Variants in GRID2 observed in about 807,000 individuals in gnomAD.
GRID2 encodes glutamate receptor ionotropic, delta-2.
A neutral mutation model predicts 114.8 loss-of-function variants in GRID2; 33 were observed. That is an observed-to-expected ratio of 0.29 (90% CI 0.22 to 0.38). The LOEUF (loss-of-function observed/expected upper bound fraction) is 0.38, where lower values mean the gene tolerates loss of function less well. GRID2 is among the 10% of genes least tolerant of loss of function. GRID2 has a pLI of 1.00. For synonymous variants in GRID2, 505 were observed against 449.9 expected (o/e 1.12, Z -1.55); for missense variants, 1,184 against 1,257.7 (o/e 0.94, Z 0.89).
chr4:93,501,120 A>G (rs1728056211), intron 12 of GRID2, among the ~76,000 whole-genome samples: 1 of 152,012 alleles, frequency 6.6e-6, no homozygotes, highest in Non-Finnish European at 1.5e-5. Context: ...CTAGAAAGAC[A>G]TTTTTTAGAA....
At chr4:93,238,576 C>G (rs1370624069) in intron 8 of GRID2, 86 bp downstream of exon 8, 4 of 986,894 alleles carry the variant, frequency 4.1e-6, no homozygotes, top group Non-Finnish European at 6.0e-6. Context: ...TCACAGTACC[C>G]ATTAAAGTCA....
intron 13 of GRID2, among the ~76,000 whole-genome samples, chr4:93,583,461 A>G (rs572101273): frequency 8.3e-4 from 127 of 152,232 alleles, no homozygotes; most frequent in African/African-American, 2.7e-3. Flanking sequence ...TCAATGCTAA[A>G]TGATAATGAG....
chr4:92,312,234 A>G (rs1013258873), intron 1 of GRID2, among the ~76,000 whole-genome samples: 10 of 152,106 alleles, frequency 6.6e-5, no homozygotes, highest in Non-Finnish European at 1.5e-4. Flanking sequence ...AAGATTCTGT[A>G]GGGACTTACA....
At chr4:93,605,341 C>A (rs1740122014) in intron 13 of GRID2, among the ~76,000 whole-genome samples, 1 of 152,136 alleles carries the variant, frequency 6.6e-6, no homozygotes, top group African/African-American at 2.4e-5. Context: ...AGAACACTGC[C>A]AACATTTCAA....
In GRID2 at chr4:93,463,874, A is replaced by C. The variant is rs1724003961; in HGVS notation, c.1858+7900A>C. Reference sequence around the variant, plus strand: ...CGTGGTGGCGGGCACCTGTAGTCCCAGCTACTCGGGAGGCTGAGGCAGGAG... The same window carrying C: ...CGTGGTGGCGGGCACCTGTAGTCCCCGCTACTCGGGAGGCTGAGGCAGGAG... On this transcript the variant is annotated intron_variant, in intron 11 of 15. Transcript: ENST00000282020. 3.3e-5 allele frequency among the ~76,000 whole-genome samples: 5 copies of C among 152,210 alleles called. No homozygotes were observed. In the South Asian group the frequency reaches 1.0e-3, roughly 32 times the overall value.
At chr4:93,381,570 A>G (rs1763858281) in intron 8 of GRID2, among the ~76,000 whole-genome samples, 1 of 152,062 alleles carries the variant, frequency 6.6e-6, no homozygotes, top group Admixed American at 6.6e-5. Flanking sequence ...TGACTTTTGT[A>G]TATTTTCTAT....
At chr4:92,669,210 G>A (rs1482447717) in intron 2 of GRID2, among the ~76,000 whole-genome samples, 1 of 151,902 alleles carries the variant, frequency 6.6e-6, no homozygotes, top group Non-Finnish European at 1.5e-5. Flanking sequence ...TAGTCTAGGA[G>A]AGTGGTACAT....
At chr4:92,732,787 G>A (rs1736391734) in intron 2 of GRID2, among the ~76,000 whole-genome samples, 1 of 151,986 alleles carries the variant, frequency 6.6e-6, no homozygotes, top group Non-Finnish European at 1.5e-5. Context: ...TTTCATATAT[G>A]TATGCTTGTC....
chr4:93,217,291 TA>T (rs1220214297), intron 6 of GRID2: 1 of 155,840 alleles, frequency 6.4e-6, no homozygotes, highest in Non-Finnish European at 1.4e-5. Flanking sequence ...TTATTCTTTT[TA>T]AAAAGATTGG....
intron 2 of GRID2, among the ~76,000 whole-genome samples, chr4:93,022,068 C>A (rs1035194468): frequency 6.6e-6 from 1 of 151,228 alleles, no homozygotes; most frequent in Admixed American, 6.6e-5. Flanking sequence ...AAATGAATGC[C>A]CTCCAAACTC....
intron 6 of GRID2, among the ~76,000 whole-genome samples, chr4:93,220,994 G>T (rs1487081596): frequency 6.6e-6 from 1 of 152,116 alleles, no homozygotes; most frequent in Admixed American, 6.6e-5. Context: ...CACAGATAAA[G>T]TATAGGTTCA....
intron 2 of GRID2, among the ~76,000 whole-genome samples, chr4:92,762,460 AC>A (rs1179637076): frequency 1.3e-5 from 2 of 148,434 alleles, no homozygotes; most frequent in Admixed American, 6.8e-5. Context: ...AAAAAAAAAA[AC>A]ATTTTATTGT....
In GRID2 at chr4:93,552,566, G is replaced by A. The variant is rs368235354; in HGVS notation, c.2193+37155G>A. On this transcript the variant is annotated intron_variant, in intron 13 of 15. Coordinates refer to ENST00000282020, the MANE Select transcript of GRID2 (RefSeq NM_001510.4). ...GTTGTTTCCTGACTTTTTAGTGGTC[G>A]CCATTCTAACTGGTGTGAGATGATA... Among the ~76,000 whole-genome samples, 5 of 152,200 alleles carry A rather than the reference G, an allele frequency of 3.3e-5. No individual in the cohort carries two copies. The South Asian group carries it at 8.3e-4, about 25-fold the overall frequency.
chr4:92,516,360 A>G (rs1454816898), intron 1 of GRID2, among the ~76,000 whole-genome samples: 1 of 151,928 alleles, frequency 6.6e-6, no homozygotes, highest in Non-Finnish European at 1.5e-5. Flanking sequence ...TAAAATAACC[A>G]ACAACTTCTT....
At chr4:93,627,422 T>C (rs957465803) in intron 14 of GRID2, among the ~76,000 whole-genome samples, 6 of 152,208 alleles carry the variant, frequency 3.9e-5, no homozygotes, top group African/African-American at 1.4e-4. Context: ...GTGTCATAAC[T>C]CTTCCATTAG....
chr4:93,443,602 C>T (rs1453193740), intron 10 of GRID2, among the ~76,000 whole-genome samples: 2 of 151,904 alleles, frequency 1.3e-5, no homozygotes, highest in East Asian at 1.9e-4. Flanking sequence ...TTAGATTTGG[C>T]CTCAGCGAAA....
rs181915437 is a variant in GRID2 at position 93,551,834 on chromosome 4, G to C, written c.2193+36423G>C. Among the ~76,000 whole-genome samples the C allele has an allele frequency of 2.6e-5, 4 of 152,240 alleles. No individual in the cohort carries two copies. The East Asian group carries it at 7.7e-4, about 29-fold the overall frequency. Reference sequence around the variant, plus strand: ...GATTTTTTGGAAGTCAAGACACACTGATGGCTTACATTGTGCCCTTGTCAG... The same window carrying C: ...GATTTTTTGGAAGTCAAGACACACTCATGGCTTACATTGTGCCCTTGTCAG... On this transcript the variant is annotated intron_variant, in intron 13 of 15. Transcript: ENST00000282020.
chr4:92,716,592 C>G (rs925966424), intron 2 of GRID2, among the ~76,000 whole-genome samples: 1 of 152,138 alleles, frequency 6.6e-6, no homozygotes, highest in African/African-American at 2.4e-5. Context: ...TTACTACAAT[C>G]TAATATAAAT....
chr4:92,327,150 A>G (rs527654566), intron 1 of GRID2, among the ~76,000 whole-genome samples: 155 of 152,124 alleles, frequency 1.0e-3, no homozygotes, highest in Non-Finnish European at 1.8e-3. Flanking sequence ...CTTTACAAAT[A>G]GCTATAATTT....
Sources: allele counts gnomAD v4.1 joint callset (sites outside exome capture counted in the v4.1 genomes callset), GRCh38; gene constraint gnomAD v4.1.1; transcripts MANE v1.5; gene names NCBI Gene and HGNC (gene_info 2026-07-23, HGNC 2026-07-21).